The following ZNF525 variants were observed in gnomAD, a reference collection of about 807,000 sequenced individuals.
The protein encoded by ZNF525 is zinc finger protein 525.
In ZNF525, 33 loss-of-function variants were observed where a neutral mutation model predicts 37.6. The ratio of observed to expected loss-of-function variants is 0.88; its 90% CI spans 0.67 to 1.17. ZNF525 has a LOEUF of 1.17. ZNF525 is among the 50% of genes most tolerant of loss of function. The pLI, the probability that ZNF525 is intolerant of heterozygous loss-of-function variation, is 0.00. For missense variants in ZNF525, 449 were observed against 543.1 expected, an observed-to-expected ratio of 0.83 and a Z score of 1.72; for synonymous variants, 170 against 182.3, an observed-to-expected ratio of 0.93 and a Z score of 0.54.
rs548386415 is a variant in ZNF525, at chr19:53,383,082, G to A, written c.*1063G>A. On this transcript the variant is annotated 3_prime_UTR_variant, in exon 4 of 4. Transcript: ENST00000474037. ...GAGAACGCTTGCAAGTGTAATAAAT[G>A]TGGCGAGGTTTTTAATCAACAAGCA... 14 of 1,398,638 alleles carry A rather than the reference G, an allele frequency of 1.0e-5. No individual in the cohort carries two copies. The East Asian group carries it at 2.7e-4, about 27-fold the overall frequency. The allele number at this position is 1,398,638 out of a possible 1,614,324, so 86.6% of individuals were successfully genotyped here. A position where few individuals can be genotyped will look rare whatever the true frequency, so the allele number is the denominator to read the frequency against.
At position 53,381,996 on chromosome 19, in the gene ZNF525, G is replaced by A. The variant is rs2085569403; in HGVS notation, c.1417G>A (p.Asp473Asn). Residue 473 changes from aspartate to asparagine, a missense_variant, in exon 4 of 4, where the codon GAC becomes AAC. Physicochemically the swap from Asp to Asn is conservative, Grantham distance 23. Around this residue, in one of 2 missense-constraint regions of ZNF525, gnomAD observed 178 missense variants for 161.5 expected, o/e 1.10. Coordinates refer to ENST00000474037, the MANE Select transcript of ZNF525 (RefSeq NM_001348156.2). ...GAAACCTTGCAAGTGTGGAGAATGT[G>A]ACAAGGCTTACAGTTTCAAATAAAA... is the stretch of plus-strand genomic sequence containing the variant. ...GEKPCKCGEC[D>N]KAYSFK 1.7e-6 allele frequency: 2 copies of A among 1,162,490 alleles called. No homozygotes were observed. Among genetic ancestry groups the A allele is most frequent in the Non-Finnish European group, 2.6e-6 (2 of 777,956 alleles). 72.0% of individuals were successfully genotyped at this position (1,162,490 alleles called of 1,614,324 possible).
At chr19:53,376,519 C>T (rs1013040180) in intron 3 of ZNF525, 12 of 580,732 alleles carry the variant, frequency 2.1e-5, no homozygotes, top group Admixed American at 6.7e-5. Context: ...CCATTTCCTG[C>T]TTATTGTGTT....
At chr19:53,369,515 T>C (rs2085470320) in intron 1 of ZNF525, among the ~76,000 whole-genome samples, 1 of 147,608 alleles carries the variant, frequency 6.8e-6, no homozygotes, top group African/African-American at 2.6e-5. Flanking sequence ...GCATGATCCA[T>C]TGTTCCCGGC....
intron 3 of ZNF525, among the ~76,000 whole-genome samples, chr19:53,378,317 C>T (rs1330667129): frequency 3.3e-5 from 5 of 152,064 alleles, no homozygotes; most frequent in African/African-American, 1.2e-4. Context: ...ATTAGCTGGG[C>T]GTGGTGGCAC....
intron 3 of ZNF525, among the ~76,000 whole-genome samples, chr19:53,380,414 G>C (rs1260866318): frequency 6.6e-6 from 1 of 152,084 alleles, no homozygotes; most frequent in Non-Finnish European, 1.5e-5. Context: ...CAGTAAGTAT[G>C]CTGTAAATAT....
rs770654436 is a variant in ZNF525 at position 53,372,313 on chromosome 19, A to C, written c.15+17A>C. The C allele has an allele frequency of 1.3e-6, 1 of 787,206 alleles. No individual in the cohort carries two copies. The highest frequency in any genetic ancestry group is 2.3e-6 in the Non-Finnish European group (1 of 434,934). The allele number at this position is 787,206 out of a possible 1,614,324, so 48.8% of individuals were successfully genotyped here. ...CTTCCTCAGGTGAGACGATATTCTC[A>C]GTGGATTGTTCTGTCTCCTTCCTTT... On this transcript the variant is annotated intron_variant, in intron 2 of 3. Coordinates refer to ENST00000474037, the MANE Select transcript of ZNF525 (RefSeq NM_001348156.2).
At chr19:53,375,091 A>G (rs537392849) in intron 2 of ZNF525, among the ~76,000 whole-genome samples, 2 of 151,338 alleles carry the variant, frequency 1.3e-5, no homozygotes, top group East Asian at 1.9e-4. Context: ...GGATTGGTGC[A>G]ATTTTGGATC....
At position 53,384,770 on chromosome 19, in the gene ZNF525, G is replaced by T. The variant is rs1312398954; in HGVS notation, c.*2751G>T. ...TTACTTCTTTCTTTCTGATTTGGAT[G>T]AGTTTGATTTCTTTTGCTATTTAAT... On this transcript the variant is annotated 3_prime_UTR_variant, in exon 4 of 4. Coordinates refer to ENST00000474037, the MANE Select transcript of ZNF525 (RefSeq NM_001348156.2). 5 of 503,082 alleles carry T rather than the reference G, an allele frequency of 9.9e-6. No homozygotes were observed. The East Asian group carries it at 1.6e-4, about 16-fold the overall frequency. 31.2% of individuals were successfully genotyped at this position (503,082 alleles called of 1,614,324 possible).
In ZNF525 at chr19:53,384,696, CTG is replaced by C. The variant is rs2085592966; in HGVS notation, c.*2680_*2681del. 1 of 356,194 alleles carries C rather than the reference CTG, an allele frequency of 2.8e-6. No individual in the cohort carries two copies. The allele number at this position is 356,194 out of a possible 1,614,324, so 22.1% of individuals were successfully genotyped here. ...AGTTCCAGTACTATTTTGGTTGAGT[CTG>C]TGATTTTCTACACAGAAGGTCATGT... On this transcript the variant is annotated 3_prime_UTR_variant, in exon 4 of 4. Transcript: ENST00000474037.
intron 3 of ZNF525, chr19:53,376,183 A>G (rs1043289387): frequency 2.8e-5 from 21 of 756,984 alleles, no homozygotes; most frequent in Admixed American, 2.2e-4. Context: ...CCTGGGCTCA[A>G]GACATCCTCC....
chr19:53,385,954 G>A lies in ZNF525; in HGVS notation c.*3935G>A, dbSNP rs1166789711. 5.2e-6 allele frequency: 1 copy of A among 193,838 alleles called. No homozygotes were observed. Among genetic ancestry groups the A allele is most frequent in the African/African-American group, 2.4e-5 (1 of 42,270 alleles). 12.0% of individuals were successfully genotyped at this position (193,838 alleles called of 1,614,324 possible). The stretch of plus-strand genomic sequence containing the variant: ...ACAGCAGAAACATAGTCAGAATTTA[G>A]AGAACAGCCTGGTTAACATGGTGAA... On this transcript the variant is annotated 3_prime_UTR_variant, in exon 4 of 4. Transcript: ENST00000474037.
At position 53,385,013 on chromosome 19, in the gene ZNF525, T is replaced by C. The variant is rs1031806886; in HGVS notation, c.*2994T>C. 1.7e-4 allele frequency: 120 copies of C among 702,112 alleles called. No individual in the cohort carries two copies. Among genetic ancestry groups the C allele is most frequent in the Non-Finnish European group, 2.8e-4 (107 of 384,742 alleles). 43.5% of individuals were successfully genotyped at this position (702,112 alleles called of 1,614,324 possible). On this transcript the variant is annotated 3_prime_UTR_variant, in exon 4 of 4. Transcript: ENST00000474037. ...ATTTTGAATTTTGTGGAACGCTTTTTCTCCATCTACTAAGGTGATGTGGTT... is the reference window on the plus strand; with the variant it reads ...ATTTTGAATTTTGTGGAACGCTTTTCCTCCATCTACTAAGGTGATGTGGTT...
At position 53,380,969 on chromosome 19, in the gene ZNF525, T is replaced by C; in HGVS notation, c.390T>C (p.His130=). The C allele has an allele frequency of 6.3e-7, 1 of 1,589,954 alleles. No individual in the cohort carries two copies. Among genetic ancestry groups the C allele is most frequent in the East Asian group, 2.2e-5 (1 of 44,760 alleles). The change falls in exon 4 of 4, where the codon CAT becomes CAC. Residue 130 remains histidine (H), a synonymous_variant. Transcript: ENST00000474037. ...MGSTEQYDHR[H]AGNKPIKYQL... ...GTACAGAGCAATATGATCACAGGCA[T>C]GCTGGAAACAAGCCTATTAAATATC...
chr19:53,365,992 A>G (rs1165109696), intron 1 of ZNF525, among the ~76,000 whole-genome samples: 5 of 151,826 alleles, frequency 3.3e-5, no homozygotes, highest in South Asian at 2.1e-4. Context: ...TACACTTTCT[A>G]TCGCGTAGTT....
At chr19:53,375,098 GAT>G (rs1266705283) in intron 2 of ZNF525, among the ~76,000 whole-genome samples, 1 of 151,810 alleles carries the variant, frequency 6.6e-6, no homozygotes, top group Non-Finnish European at 1.5e-5. Context: ...TGCAATTTTG[GAT>G]CATTGCAACT....
Position 53,383,564 on chromosome 19 carries a change from T to G in ZNF525, c.*1545T>G. On this transcript the variant is annotated 3_prime_UTR_variant, in exon 4 of 4. Transcript: ENST00000474037. ...CAGAGTTCACACTGGAGAGAAACCT[T>G]ACAAGTGTAATGAGTGTGTCAAAGC... 1 of 1,451,868 alleles carries G rather than the reference T, an allele frequency of 6.9e-7. No homozygotes were observed. Among genetic ancestry groups the G allele is most frequent in the South Asian group, 1.2e-5 (1 of 83,408 alleles). 89.9% of individuals were successfully genotyped at this position (1,451,868 alleles called of 1,614,324 possible).
At chr19:53,367,481 T>C (rs1308115701) in intron 1 of ZNF525, among the ~76,000 whole-genome samples, 1 of 152,230 alleles carries the variant, frequency 6.6e-6, no homozygotes, top group Non-Finnish European at 1.5e-5. Context: ...GTAGTCTGCC[T>C]GGTTACAATT....
At chr19:53,377,914 A>G (rs1327225437) in intron 3 of ZNF525, among the ~76,000 whole-genome samples, 4 of 152,146 alleles carry the variant, frequency 2.6e-5, no homozygotes, top group Non-Finnish European at 5.9e-5. Context: ...AAGTATTGCA[A>G]AATTTATAGT....
rs1477863361 is a variant in ZNF525, at chr19:53,383,332, G to A, written c.*1313G>A. ...GAGAGAAACAAGCGTAATGAATGTG[G>A]CGAGGTTTTCAATCAACAAGCACAC... On this transcript the variant is annotated 3_prime_UTR_variant, in exon 4 of 4. Transcript: ENST00000474037. 4.4e-6 allele frequency: 6 copies of A among 1,362,886 alleles called. No individual in the cohort carries two copies. Among genetic ancestry groups the A allele is most frequent in the Non-Finnish European group, 6.1e-6 (6 of 990,936 alleles). The allele number at this position is 1,362,886 out of a possible 1,614,324, so 84.4% of individuals were successfully genotyped here.
Sources: gnomAD v4.1 joint callset for allele counts (sites outside exome capture counted in the v4.1 genomes callset) on GRCh38, gnomAD v4.1.1 for gene constraint, gnomAD v4.1.1 regional missense constraint, MANE v1.5 for transcripts, NCBI Gene and HGNC (gene_info 2026-07-23, HGNC 2026-07-21) for gene names.